PLCXD2: variants seen among roughly 807,000 people sequenced by gnomAD.
PLCXD2 encodes the protein phosphatidylinositol specific phospholipase C X domain containing 2, also known as PI-PLC X domain-containing protein 2.
Under a neutral mutation model 28.6 loss-of-function variants are expected in PLCXD2, and 21 were observed. The observed-to-expected ratio is 0.73, with a 90% CI of 0.52 to 1.06. The LOEUF is 1.06. PLCXD2 is among the 50% of genes least tolerant of loss of function. The pLI is 0.00. For synonymous variants in PLCXD2, 140 were observed against 150.1 expected (o/e 0.93, Z 0.49); for missense variants, 369 against 376.7 (o/e 0.98, Z 0.17).
chr3:111,689,109 A>G (rs1393816042), intron 1 of PLCXD2, among the ~76,000 whole-genome samples: 4 of 152,232 alleles, frequency 2.6e-5, no homozygotes, highest in African/African-American at 4.8e-5. Flanking sequence ...GGACCTGGAA[A>G]GGGAAAGGTT....
intron 1 of PLCXD2, among the ~76,000 whole-genome samples, chr3:111,704,950 C>G (rs973047725): frequency 6.6e-6 from 1 of 151,870 alleles, no homozygotes; most frequent in Non-Finnish European, 1.5e-5. Context: ...GTAGCTGGGA[C>G]CACAGGCATG....
intron 1 of PLCXD2, among the ~76,000 whole-genome samples, chr3:111,691,845 C>T (rs1477556274): frequency 8.5e-5 from 13 of 152,142 alleles, no homozygotes; most frequent in Non-Finnish European, 1.5e-5. Flanking sequence ...AATCACTGCC[C>T]TGCAGGATTG....
rs746234080 is a variant in PLCXD2 at position 111,714,069 on chromosome 3, C to T, written c.807C>T (p.Pro269=). ...ATGTCTCCCAAGCGATCCTCACCCC[C>T]AGAGTGAAGACCATTGCCCGGGGCT... Residue 269 remains proline, a synonymous_variant, in exon 3 of 5, where the codon CCC becomes CCT. Transcript: ENST00000477665. 2.5e-6 allele frequency: 4 copies of T among 1,614,164 alleles called. No homozygotes were observed. The Admixed American group carries it at 5.0e-5, about 20-fold the overall frequency.
chr3:111,723,103 G>T (rs1158730920), intron 3 of PLCXD2: 1 of 152,112 alleles, frequency 6.6e-6, no homozygotes, highest in East Asian at 1.9e-4. Context: ...TATTTTTGTT[G>T]TCATTTCATT....
At chr3:111,682,646 T>C (rs1050429775) in intron 1 of PLCXD2, among the ~76,000 whole-genome samples, 4 of 152,232 alleles carry the variant, frequency 2.6e-5, no homozygotes, top group Non-Finnish European at 5.9e-5. Flanking sequence ...GAATATTTTA[T>C]GAACATGTAT....
chr3:111,687,082 T>G lies in PLCXD2; in HGVS notation c.163+11674T>G, dbSNP rs539186307. On this transcript the variant is annotated intron_variant, in intron 1 of 4. Coordinates refer to ENST00000477665, the MANE Select transcript of PLCXD2 (RefSeq NM_001185106.1). ...GGCAACTCTCTGAGCATCTGTTCATTCAAGTATCCATGCTTGTATTTATTC... is the reference window on the plus strand; with the variant it reads ...GGCAACTCTCTGAGCATCTGTTCATGCAAGTATCCATGCTTGTATTTATTC... 2.6e-5 allele frequency among the ~76,000 whole-genome samples: 4 copies of G among 152,366 alleles called. No homozygotes were observed. The South Asian group carries it at 8.3e-4, about 32-fold the overall frequency.
chr3:111,718,582 C>T (rs1941306418), intron 3 of PLCXD2, among the ~76,000 whole-genome samples: 1 of 151,772 alleles, frequency 6.6e-6, no homozygotes, highest in Admixed American at 6.6e-5. Flanking sequence ...TTGTAGAGTC[C>T]ACTGAGAGAG....
intron 1 of PLCXD2, among the ~76,000 whole-genome samples, chr3:111,681,617 T>A (rs1279902452): frequency 6.6e-6 from 1 of 152,068 alleles, no homozygotes; most frequent in African/African-American, 2.4e-5. Context: ...CACAGATACT[T>A]AGCTATGACG....
intron 3 of PLCXD2, among the ~76,000 whole-genome samples, chr3:111,719,505 G>A (rs923923591): frequency 6.6e-6 from 1 of 152,182 alleles, no homozygotes; most frequent in African/African-American, 2.4e-5. Context: ...GCCAGTGTAG[G>A]AAACTGGATA....
At chr3:111,700,212 C>T (rs1027397556) in intron 1 of PLCXD2, among the ~76,000 whole-genome samples, 1 of 152,082 alleles carries the variant, frequency 6.6e-6, no homozygotes. Flanking sequence ...TGAGGATCAC[C>T]ACTTTACATT....
chr3:111,699,207 C>A (rs1941006745), intron 1 of PLCXD2, among the ~76,000 whole-genome samples: 1 of 152,196 alleles, frequency 6.6e-6, no homozygotes, highest in African/African-American at 2.4e-5. Flanking sequence ...TTATAAGCTT[C>A]ACTTAACTCT....
chr3:111,693,007 G>C (rs1263327205), intron 1 of PLCXD2, among the ~76,000 whole-genome samples: 1 of 152,152 alleles, frequency 6.6e-6, no homozygotes, highest in African/African-American at 2.4e-5. Context: ...TCAATAACGT[G>C]CAAATGGGAA....
rs1271415171 is a variant in PLCXD2, at chr3:111,706,647, T to TA, written c.164-1267dup. Among the ~76,000 whole-genome samples, 1,073 of 143,520 alleles carry TA rather than the reference T, an allele frequency of 7.5e-3. 8 individuals are homozygous for TA. The highest frequency in any genetic ancestry group is 0.022 in the African/African-American group (877 of 39,220). 94.2% of individuals were successfully genotyped at this position (143,520 alleles called of 152,430 possible). A position where few individuals can be genotyped will look rare whatever the true frequency, so the allele number is the denominator to read the frequency against. ...AAAGATATGGACTGGCTGAATGGAT[T>TA]AAAAAAAAAAAAGACACAACTATAT... On this transcript the variant is annotated intron_variant, in intron 1 of 4. Coordinates refer to ENST00000477665, the MANE Select transcript of PLCXD2 (RefSeq NM_001185106.1).
intron 2 of PLCXD2, among the ~76,000 whole-genome samples, chr3:111,710,826 G>T (rs1475707103): frequency 1.3e-5 from 2 of 152,182 alleles, no homozygotes; most frequent in Non-Finnish European, 2.9e-5. Flanking sequence ...ATTGAGATGG[G>T]TTGACATATT....
At chr3:111,722,890 C>G (rs1432899134) in intron 3 of PLCXD2, 1 of 152,148 alleles carries the variant, frequency 6.6e-6, no homozygotes, top group Non-Finnish European at 1.5e-5. Context: ...AATAGAAATG[C>G]CTCTGGGAAA....
chr3:111,678,854 A>G (rs1350284331), intron 1 of PLCXD2, among the ~76,000 whole-genome samples: 1 of 152,190 alleles, frequency 6.6e-6, no homozygotes, highest in Non-Finnish European at 1.5e-5. Flanking sequence ...TTTTAGGTCT[A>G]AAACCTATTT....
At chr3:111,707,686 C>G (rs904962005) in intron 1 of PLCXD2, among the ~76,000 whole-genome samples, 4 of 152,108 alleles carry the variant, frequency 2.6e-5, no homozygotes, top group Non-Finnish European at 5.9e-5. Context: ...ATTAATTTGC[C>G]TTATGCCAGC....
intron 1 of PLCXD2, among the ~76,000 whole-genome samples, chr3:111,694,046 T>C (rs1437968034): frequency 1.3e-5 from 2 of 152,258 alleles, no homozygotes; most frequent in Non-Finnish European, 2.9e-5. Flanking sequence ...TGGTAAAAGT[T>C]GTAGAAGTGA....
chr3:111,706,648 A>G (rs76888332), intron 1 of PLCXD2, among the ~76,000 whole-genome samples: 1 of 142,666 alleles, frequency 7.0e-6, no homozygotes, highest in Non-Finnish European at 1.5e-5. Flanking sequence ...TGAATGGATT[A>G]AAAAAAAAAA....
Sources: allele counts gnomAD v4.1 joint callset (sites outside exome capture counted in the v4.1 genomes callset), GRCh38; gene constraint gnomAD v4.1.1; transcripts MANE v1.5; gene names NCBI Gene and HGNC (gene_info 2026-07-23, HGNC 2026-07-21).